The following ARL17B variants were observed in gnomAD, a reference collection of about 807,000 sequenced individuals.
ARL17B encodes ARF like GTPase 17B.
At chr17:46,291,969 CA>C (rs59554870) in intron 4 of ARL17B, among the ~76,000 whole-genome samples, 29,329 of 58,604 alleles carry the variant, frequency 0.5, 4,046 homozygotes, top group East Asian at 0.76. Context: ...TCTCAAAAAG[CA>C]AAAAAAAAAA....
intron 4 of ARL17B, among the ~76,000 whole-genome samples, chr17:46,277,425 C>T (rs577966195): frequency 2.0e-5 from 3 of 152,308 alleles, no homozygotes; most frequent in African/African-American, 4.8e-5. Flanking sequence ...GCTTCTACCT[C>T]ACAGTTACCA....
intron 4 of ARL17B, among the ~76,000 whole-genome samples, chr17:46,275,651 G>A (rs960500247): frequency 7.9e-5 from 12 of 152,126 alleles, no homozygotes; most frequent in Admixed American, 6.5e-4. Flanking sequence ...AAATATGTAT[G>A]TATATATATT....
intron 4 of ARL17B, among the ~76,000 whole-genome samples, chr17:46,285,499 A>C (rs2732620): frequency 0.14 from 20,382 of 150,850 alleles, 820 homozygotes; most frequent in Middle Eastern, 0.22. Flanking sequence ...CTCAGCCCCC[A>C]CAAAGTGCTG....
chr17:46,276,147 TC>T (rs1247440269), intron 4 of ARL17B, among the ~76,000 whole-genome samples: 2 of 152,248 alleles, frequency 1.3e-5, no homozygotes, highest in Non-Finnish European at 1.5e-5. Context: ...CGCCTCGGCC[TC>T]CCAAAGTGCT....
chr17:46,309,432 T>C (rs1436099758), intron 3 of ARL17B: 6 of 1,762 alleles, frequency 3.4e-3, no homozygotes, highest in African/African-American at 0.011. Context: ...TCCAGACTGA[T>C]GGCTTATTTT....
rs1360524355 is a variant in ARL17B at position 46,291,985 on chromosome 17, A to AAAAAAAAAAAAAAAAAAC, written c.*21+7540_*21+7541insGTTTTTTTTTTTTTTTTT. Among the ~76,000 whole-genome samples the AAAAAAAAAAAAAAAAAAC allele has an allele frequency of 8.4e-4, 64 of 76,578 alleles. 3 individuals carry two copies. The highest frequency in any genetic ancestry group is 1.2e-3 in the Non-Finnish European group (45 of 36,292). 50.2% of individuals were successfully genotyped at this position (76,578 alleles called of 152,430 possible). A position where few individuals can be genotyped will look rare whatever the true frequency, so the allele number is the denominator to read the frequency against. Reference sequence around the variant, plus strand: ...CTCAAAAAGCAAAAAAAAAAAAAAAAAAGCCAATAAAATCAATGGTCTAAT... The same window carrying AAAAAAAAAAAAAAAAAAC: ...CTCAAAAAGCAAAAAAAAAAAAAAAAAAAAAAAAAAAAAAAAACAAGCCAATAAAATCAATGGTCTAAT... On this transcript the variant is annotated intron_variant, in intron 4 of 4. Transcript: ENST00000570618.
chr17:46,286,195 G>A (rs1221922669), intron 4 of ARL17B, among the ~76,000 whole-genome samples: 1 of 152,234 alleles, frequency 6.6e-6, no homozygotes, highest in Admixed American at 6.5e-5. Context: ...ATATAAAATA[G>A]TTTTAGTATT....
chr17:46,332,458 A>T (rs1364343095), downstream of ARL17B: 3 of 502,128 alleles, frequency 6.0e-6, no homozygotes, highest in African/African-American at 7.5e-5. Context: ...TTTCAAAAAA[A>T]TAAAAAAGAA....
chr17:46,291,234 A>G (rs2050057647), intron 4 of ARL17B, among the ~76,000 whole-genome samples: 1 of 152,278 alleles, frequency 6.6e-6, no homozygotes, highest in Non-Finnish European at 1.5e-5. Context: ...AAGATGGTAT[A>G]GCGGGTGCAC....
intron 4 of ARL17B, among the ~76,000 whole-genome samples, chr17:46,284,425 A>G (rs1476143648): frequency 6.6e-6 from 1 of 152,254 alleles, no homozygotes; most frequent in Admixed American, 6.5e-5. Flanking sequence ...GACACAGCAC[A>G]TGTCTCAGAG....
intron 4 of ARL17B, among the ~76,000 whole-genome samples, chr17:46,288,416 C>G (rs772616253): frequency 6.8e-6 from 1 of 148,054 alleles, no homozygotes; most frequent in Non-Finnish European, 1.5e-5. Context: ...TCAAGCAATT[C>G]TCTTGCCTCA....
At chr17:46,280,409 C>T (rs1303618846) in intron 4 of ARL17B, among the ~76,000 whole-genome samples, 1 of 152,126 alleles carries the variant, frequency 6.6e-6, no homozygotes, top group African/African-American at 2.4e-5. Flanking sequence ...TGCAGTGGCT[C>T]ACGGCTGTAA....
At chr17:46,276,790 C>CTTTTTTTTTTTTTTTTTTT (rs75549659) in intron 4 of ARL17B, among the ~76,000 whole-genome samples, 5 of 134,314 alleles carry the variant, frequency 3.7e-5, no homozygotes, top group African/African-American at 5.5e-5. Flanking sequence ...TTCTTTTTTT[C>CTTTTTTTTTTTTTTTTTTT]TTTTTTTTTT....
At position 46,306,041 on chromosome 17, in the gene ARL17B, T is replaced by G. The variant is rs2050549905; in HGVS notation, c.260-6376A>C. ...TATTTACTGAACATTCACTGTTTTG[T>G]ATCTAATGCACCACGTGTGCAGTGT... On this transcript the variant is annotated intron_variant, in intron 3 of 4. Transcript: ENST00000434041. 2.4e-5 allele frequency among the ~76,000 whole-genome samples: 2 copies of G among 81,886 alleles called. 1 individual carries two copies. The highest frequency in any genetic ancestry group is 1.1e-3 in the South Asian group (2 of 1,874). 53.7% of individuals were successfully genotyped at this position (81,886 alleles called of 152,430 possible). A position where few individuals can be genotyped will look rare whatever the true frequency, so the allele number is the denominator to read the frequency against.
chr17:46,288,157 T>C (rs1409787784), intron 4 of ARL17B, among the ~76,000 whole-genome samples: 1 of 150,954 alleles, frequency 6.6e-6, no homozygotes, highest in African/African-American at 2.4e-5. Context: ...TACCACTAAC[T>C]TTTTTCTTTT....
intron 4 of ARL17B, among the ~76,000 whole-genome samples, chr17:46,291,969 C>CAAAAAAAAAAAAAAAAA (rs59554870): frequency 1.7e-5 from 1 of 58,088 alleles, no homozygotes; most frequent in Non-Finnish European, 3.2e-5. Flanking sequence ...TCTCAAAAAG[C>CAAAAAAAAAAAAAAAAA]AAAAAAAAAA....
At chr17:46,282,433 C>T (rs2049793774) in intron 4 of ARL17B, among the ~76,000 whole-genome samples, 1 of 145,682 alleles carries the variant, frequency 6.9e-6, no homozygotes, top group South Asian at 2.2e-4. Context: ...TTTTTTTAAA[C>T]AGGCAAGTTC....
At chr17:46,283,203 T>C (rs906990292) in intron 4 of ARL17B, among the ~76,000 whole-genome samples, 3 of 152,192 alleles carry the variant, frequency 2.0e-5, no homozygotes, top group African/African-American at 7.2e-5. Flanking sequence ...CCATACCAAT[T>C]TATACCCCCA....
chr17:46,289,746 A>T (rs902455099), intron 4 of ARL17B, among the ~76,000 whole-genome samples: 5 of 152,258 alleles, frequency 3.3e-5, no homozygotes, highest in Admixed American at 1.3e-4. Flanking sequence ...AGTCTCTCAG[A>T]AAAATAACTT....
Sources: allele counts gnomAD v4.1 joint callset (sites outside exome capture counted in the v4.1 genomes callset), GRCh38; gene constraint gnomAD v4.1.1; transcripts MANE v1.5; gene names NCBI Gene and HGNC (gene_info 2026-07-23, HGNC 2026-07-21).